The following DNAH8 variants were observed in gnomAD, a reference collection of about 807,000 sequenced individuals.
The protein encoded by DNAH8 is dynein axonemal heavy chain 8.
A neutral mutation model predicts 562.1 loss-of-function variants in DNAH8; 382 were observed. That is an observed-to-expected ratio of 0.68 (90% CI 0.63 to 0.74). DNAH8 has a LOEUF of 0.74. DNAH8 is among the 30% of genes least tolerant of loss of function. DNAH8 has a pLI of 0.00. For synonymous variants in DNAH8, 1,881 were observed against 1,919.4 expected, an observed-to-expected ratio of 0.98 and a Z score of 0.52; for missense variants, 5,203 against 5,620.4, an observed-to-expected ratio of 0.93 and a Z score of 2.37.
At position 38,862,322 on chromosome 6, in the gene DNAH8, A is replaced by T. The variant is rs761837396; in HGVS notation, c.6174A>T (p.Gly2058=). Residue 2058 remains glycine, a synonymous_variant, in exon 44 of 93, where the codon GGA becomes GGT. Transcript: ENST00000327475. ...CTCAGGCCTTGGGCATGAACATGGG[A>T]GGTGCTCCCGCAGGACCTGCTGGCA... ...TLAQALGMNM[G]GAPAGPAGTG... is the part of the protein sequence containing the mutation. The T allele has an allele frequency of 3.1e-6, 5 of 1,614,128 alleles. No individual in the cohort carries two copies. In the South Asian group the frequency reaches 4.4e-5, roughly 14 times the overall value.
chr6:38,780,097 A>G lies in DNAH8; in HGVS notation c.2139+32A>G, dbSNP rs1486224190. The G allele has an allele frequency of 2.5e-6, 4 of 1,586,580 alleles. 1 individual carries two copies. In the South Asian group the frequency reaches 3.4e-5, roughly 14 times the overall value. ...GTCATGTTTATAAATAAAATGGTACATTAGCACAAAAAGAAAAAAAATCTG... is the reference window on the plus strand; with the variant it reads ...GTCATGTTTATAAATAAAATGGTACGTTAGCACAAAAAGAAAAAAAATCTG... On this transcript the variant is annotated intron_variant, in intron 15 of 92. Coordinates refer to ENST00000327475, the MANE Select transcript of DNAH8 (RefSeq NM_001206927.2).
chr6:38,743,857 G>GAT (rs1764716905), intron 8 of DNAH8, among the ~76,000 whole-genome samples: 1 of 152,074 alleles, frequency 6.6e-6, no homozygotes, highest in Non-Finnish European at 1.5e-5. Flanking sequence ...TTTTTGTGTT[G>GAT]ATATATATTG....
chr6:38,938,221 G>T lies in DNAH8; in HGVS notation c.11811G>T (p.Met3937Ile). 1 of 1,608,216 alleles carries T rather than the reference G, an allele frequency of 6.2e-7. No homozygotes were observed. Residue 3937 changes from methionine to isoleucine, a missense_variant, in exon 78 of 93, where the codon ATG (methionine) becomes ATT (isoleucine). Transcript: ENST00000327475. ...AQFLKLFDQS[M>I]ARSEKSPLPQ... ...TCTTGAAGTTATTTGACCAGTCCAT[G>T]GCCAGGTGAGTCCTCACTACCTTCA...
Position 38,872,823 on chromosome 6 carries a change from G to A in DNAH8, c.7237+41G>A, listed in dbSNP as rs190638942. ...CTTTGTGATCATTTTTTCCCTGCTA[G>A]CGTATTAACACAGTATTTTTTTGAT... is the stretch of plus-strand genomic sequence containing the variant. On this transcript the variant is annotated intron_variant, in intron 50 of 92. Transcript: ENST00000327475. 443 of 1,611,084 alleles carry A rather than the reference G, an allele frequency of 2.7e-4. 1 individual carries two copies. The highest frequency in any genetic ancestry group is 7.1e-4 in the South Asian group (64 of 90,670).
intron 64 of DNAH8, among the ~76,000 whole-genome samples, chr6:38,909,009 A>G (rs1400984166): frequency 2.0e-5 from 3 of 152,130 alleles, no homozygotes; most frequent in Non-Finnish European, 2.9e-5. Flanking sequence ...TCATTCTTGG[A>G]TAGTCTAATT....
chr6:38,799,756 C>G (rs747188532), intron 21 of DNAH8, among the ~76,000 whole-genome samples: 4 of 152,164 alleles, frequency 2.6e-5, no homozygotes, highest in Non-Finnish European at 5.9e-5. Flanking sequence ...TAGTCATTCT[C>G]CATTTCCTCT....
Position 38,734,589 on chromosome 6 carries a change from T to C in DNAH8, c.726T>C (p.Arg242=). 6.2e-7 allele frequency: 1 copy of C among 1,613,624 alleles called. No homozygotes were observed. Among genetic ancestry groups the C allele is most frequent in the Non-Finnish European group, 8.5e-7 (1 of 1,179,978 alleles). The stretch of plus-strand genomic sequence containing the variant: ...TGTGCATATTTTTTGTTCGTTGCCG[T>C]AATGATGTTGCTATAAATGTTAAAA... ...KGLCIFFVRC[R]NDVAINVKTI... is the part of the protein sequence containing the mutation. Residue 242 remains arginine, a synonymous_variant, in exon 5 of 93, where the codon CGT becomes CGC. Coordinates refer to ENST00000327475, the MANE Select transcript of DNAH8 (RefSeq NM_001206927.2).
intron 74 of DNAH8, 165 bp from the exon 75 acceptor site, chr6:38,929,346 A>T: frequency 1.6e-6 from 1 of 627,518 alleles, no homozygotes. Context: ...ATGACTCACC[A>T]AGTTTTAGAA....
Position 38,814,149 on chromosome 6 carries a change from C to A in DNAH8, c.3333+20C>A. The A allele has an allele frequency of 7.4e-7, 1 of 1,346,336 alleles. No individual in the cohort carries two copies. Among genetic ancestry groups the A allele is most frequent in the Non-Finnish European group, 1.1e-6 (1 of 942,610 alleles). The allele number at this position is 1,346,336 out of a possible 1,614,324, so 83.4% of individuals were successfully genotyped here. ...AATGTGGTAAGTATTATTAAATACACTGATAATTTGATAAGGTGCTTAAGA... is the reference window on the plus strand; with the variant it reads ...AATGTGGTAAGTATTATTAAATACAATGATAATTTGATAAGGTGCTTAAGA... On this transcript the variant is annotated intron_variant, in intron 25 of 92. Transcript: ENST00000327475.
chr6:38,844,427 T>G (rs1300669913), intron 35 of DNAH8, among the ~76,000 whole-genome samples: 1 of 152,246 alleles, frequency 6.6e-6, no homozygotes, highest in Non-Finnish European at 1.5e-5. Flanking sequence ...GTTTGGGTTT[T>G]CTGCCTTCCC....
At chr6:38,822,390 C>G (rs777502536) in intron 26 of DNAH8, 1 of 153,416 alleles carries the variant, frequency 6.5e-6, no homozygotes, top group Non-Finnish European at 1.5e-5. Context: ...GACCTTTAAA[C>G]ACCCCAGCAG....
At chr6:38,743,620 C>A (rs1269629156) in intron 8 of DNAH8, among the ~76,000 whole-genome samples, 3 of 152,114 alleles carry the variant, frequency 2.0e-5, no homozygotes, top group Non-Finnish European at 4.4e-5. Flanking sequence ...TAAATGGAAT[C>A]ATAGATTCTT....
At chr6:38,798,653 A>G (rs1372020301) in intron 21 of DNAH8, among the ~76,000 whole-genome samples, 1 of 152,208 alleles carries the variant, frequency 6.6e-6, no homozygotes, top group Non-Finnish European at 1.5e-5. Context: ...TACCCTTGGT[A>G]TTGATGGCAG....
chr6:38,839,227 C>T (rs1415312426), intron 33 of DNAH8, among the ~76,000 whole-genome samples: 2 of 152,174 alleles, frequency 1.3e-5, no homozygotes, highest in African/African-American at 4.8e-5. Flanking sequence ...CCAATGCGTT[C>T]ACCCTCAGGC....
intron 88 of DNAH8, among the ~76,000 whole-genome samples, chr6:39,008,052 G>A (rs1765909725): frequency 6.6e-6 from 1 of 150,778 alleles, no homozygotes; most frequent in Admixed American, 6.7e-5. Flanking sequence ...TGGTCGACCT[G>A]AAAGAAAGCT....
chr6:38,784,716 C>A (rs188544467), intron 17 of DNAH8, among the ~76,000 whole-genome samples: 31 of 152,312 alleles, frequency 2.0e-4, no homozygotes, highest in South Asian at 1.2e-3. Flanking sequence ...TAACAGCAAA[C>A]CTACAAGGAA....
At chr6:38,740,693 C>A (rs778986161) in intron 7 of DNAH8, among the ~76,000 whole-genome samples, 12 of 152,104 alleles carry the variant, frequency 7.9e-5, no homozygotes, top group Non-Finnish European at 1.6e-4. Context: ...TAGCTCACTG[C>A]AGCCTCCAGC....
chr6:38,741,582 TGAGA>T (rs1764525835), intron 7 of DNAH8, 125 bp from the exon 8 acceptor site: 1 of 713,896 alleles, frequency 1.4e-6, no homozygotes, highest in South Asian at 2.6e-5. Context: ...CTTCATTTAC[TGAGA>T]GTTTTTAAAC....
At chr6:38,733,826 G>A (rs192915951) in intron 4 of DNAH8, among the ~76,000 whole-genome samples, 180 of 151,510 alleles carry the variant, frequency 1.2e-3, no homozygotes, top group African/African-American at 3.4e-3. Context: ...CACGAGAATC[G>A]CTTGAACCCG....
Sources: allele counts gnomAD v4.1 joint callset (sites outside exome capture counted in the v4.1 genomes callset), GRCh38; gene constraint gnomAD v4.1.1; transcripts MANE v1.5; gene names NCBI Gene and HGNC (gene_info 2026-07-23, HGNC 2026-07-21).